Variants in ACACA observed in about 807,000 individuals in gnomAD.
ACACA encodes acetyl-CoA carboxylase alpha, also known as acetyl-CoA carboxylase 1.
Under a neutral mutation model 296.1 loss-of-function variants are expected in ACACA, and 103 were observed. The observed-to-expected ratio is 0.35, with a 90% confidence interval of 0.30 to 0.41. The LOEUF (loss-of-function observed/expected upper bound fraction) is 0.41. Among genes scored for constraint, ACACA ranks in the 10% least tolerant of loss-of-function variants. The probability of loss-of-function intolerance (pLI) is 1.00; values close to 1 mark genes in which losing one functional copy is unlikely to be tolerated. For missense variants in ACACA, 1,554 were observed against 2,989.7 expected (o/e 0.52, Z 11.20); for synonymous variants, 953 against 1,038.6 (o/e 0.92, Z 1.58).
At chr17:37,235,283 G>A (rs2145855548) in intron 24 of ACACA, among the ~76,000 whole-genome samples, 184 bp from the exon 25 acceptor site, 1 of 152,264 alleles carries the variant, frequency 6.6e-6, no homozygotes, top group East Asian at 1.9e-4. Flanking sequence ...TGGACTAGGA[G>A]TCAGGCAATT....
At chr17:37,268,401 TC>T (rs1051220403) in intron 10 of ACACA, among the ~76,000 whole-genome samples, 2 of 152,156 alleles carry the variant, frequency 1.3e-5, no homozygotes, top group Non-Finnish European at 2.9e-5. Context: ...CAAGATTTAG[TC>T]CCTGTGAGGG....
Position 37,155,791 on chromosome 17 carries a change from C to T in ACACA, c.5350-11G>A, listed in dbSNP as rs78829386. 2,074 of 1,549,016 alleles carry T rather than the reference C, an allele frequency of 1.3e-3. 26 individuals are homozygous for T. The African/African-American group carries it at 0.024, about 18-fold the overall frequency. On this transcript the variant is annotated splice_polypyrimidine_tract_variant and intron_variant, in intron 42 of 55. Coordinates refer to ENST00000616317, the MANE Select transcript of ACACA (RefSeq NM_198834.3). ...TAAATACCTGTATCCCTGTGAAGCA[C>T]AAATAGTTTTTAACTCATTATTTGC... is the stretch of plus-strand genomic sequence containing the variant.
intron 24 of ACACA, among the ~76,000 whole-genome samples, chr17:37,238,347 T>C (rs943852346): frequency 8.2e-6 from 1 of 122,016 alleles, no homozygotes; most frequent in African/African-American, 3.0e-5. Context: ...AAAAAAAAAA[T>C]CTATCCTTTC....
chr17:37,398,344 C>G (rs564767089), intron 1 of ACACA, among the ~76,000 whole-genome samples: 1 of 123,780 alleles, frequency 8.1e-6, no homozygotes, highest in East Asian at 2.8e-4. Flanking sequence ...TGGAACGCAA[C>G]GGTGCAATCT....
At chr17:37,088,811 G>T in intron 55 of ACACA, 127 bp downstream of exon 55, 1 of 1,303,744 alleles carries the variant, frequency 7.7e-7, no homozygotes. Context: ...AACTACAGCT[G>T]TCTCAAACAG....
At chr17:37,335,151 C>T (rs2048057555) in intron 2 of ACACA, among the ~76,000 whole-genome samples, 1 of 152,072 alleles carries the variant, frequency 6.6e-6, no homozygotes, top group Non-Finnish European at 1.5e-5. Flanking sequence ...CCCTCCATAC[C>T]CATACTGGCC....
chr17:37,248,170 G>T lies in ACACA; in HGVS notation c.2164-14C>A. Reference sequence around the variant, plus strand: ...CTGTCGAGTCACCTGTAGGGAATGAGAATGAGGATCAGTGTGTCCCTTCCA... The same window carrying T: ...CTGTCGAGTCACCTGTAGGGAATGATAATGAGGATCAGTGTGTCCCTTCCA... On this transcript the variant is annotated splice_polypyrimidine_tract_variant and intron_variant, in intron 17 of 55. Coordinates refer to ENST00000616317, the MANE Select transcript of ACACA (RefSeq NM_198834.3). 1 of 1,614,074 alleles carries T rather than the reference G, an allele frequency of 6.2e-7. No homozygotes were observed. Among genetic ancestry groups the T allele is most frequent in the Non-Finnish European group, 8.5e-7 (1 of 1,179,916 alleles).
intron 28 of ACACA, 33 bp from the exon 29 acceptor site, chr17:37,221,875 T>C (rs1305346865): frequency 3.8e-6 from 6 of 1,560,692 alleles, no homozygotes; most frequent in Non-Finnish European, 8.8e-7. Context: ...TAAATAAATT[T>C]CAAAAACAGA....
At chr17:37,225,734 G>A (rs1310099763) in intron 26 of ACACA, among the ~76,000 whole-genome samples, 1 of 152,182 alleles carries the variant, frequency 6.6e-6, no homozygotes, top group Non-Finnish European at 1.5e-5. Context: ...GGATACAATT[G>A]TAGAGAAAGC....
intron 3 of ACACA, chr17:37,289,445 C>T (rs866519114): frequency 7.4e-7 from 1 of 1,351,628 alleles, no homozygotes; most frequent in South Asian, 1.1e-5. Flanking sequence ...GTAAGTATGG[C>T]ACAATCAAAC....
chr17:37,162,790 G>A (rs951210911), intron 41 of ACACA: 6 of 169,278 alleles, frequency 3.5e-5, no homozygotes, highest in South Asian at 1.4e-4. Flanking sequence ...AGTCTTCAGG[G>A]AAAATTGTCT....
At chr17:37,316,871 G>A (rs2047118102) in intron 3 of ACACA, among the ~76,000 whole-genome samples, 1 of 151,820 alleles carries the variant, frequency 6.6e-6, no homozygotes, top group Non-Finnish European at 1.5e-5. Context: ...TCCAGAGTTC[G>A]AGACCAGCCT....
At chr17:37,381,915 CTG>C (rs1568082458) in intron 1 of ACACA, among the ~76,000 whole-genome samples, 48 of 152,318 alleles carry the variant, frequency 3.2e-4, no homozygotes, top group South Asian at 2.1e-3. Flanking sequence ...GCGTGAGCCA[CTG>C]CACCCGGCCA....
At chr17:37,170,933 G>A (rs1441367292) in intron 41 of ACACA, among the ~76,000 whole-genome samples, 1 of 152,204 alleles carries the variant, frequency 6.6e-6, no homozygotes, top group Non-Finnish European at 1.5e-5. Flanking sequence ...AAACATGCCA[G>A]GATTTTGTTT....
intron 37 of ACACA, among the ~76,000 whole-genome samples, chr17:37,191,524 A>C (rs1054708457): frequency 1.3e-5 from 2 of 152,200 alleles, no homozygotes; most frequent in East Asian, 3.8e-4. Context: ...AGGTAGAAAT[A>C]CTGGGCATCC....
intron 1 of ACACA, among the ~76,000 whole-genome samples, chr17:37,405,213 C>T (rs2051432823): frequency 6.6e-6 from 1 of 152,192 alleles, no homozygotes; most frequent in Non-Finnish European, 1.5e-5. Flanking sequence ...AGAGAATCCC[C>T]ATATCACTCT....
intron 1 of ACACA, among the ~76,000 whole-genome samples, chr17:37,372,377 C>T (rs2049840199): frequency 6.8e-6 from 1 of 147,088 alleles, no homozygotes; most frequent in East Asian, 2.0e-4. Flanking sequence ...CGCGCCACTG[C>T]ACTCCAGCCT....
chr17:37,268,300 G>C (rs1277640079), intron 10 of ACACA, among the ~76,000 whole-genome samples: 1 of 152,108 alleles, frequency 6.6e-6, no homozygotes, highest in African/African-American at 2.4e-5. Flanking sequence ...TCTTTCTCTG[G>C]AAAGGATTTA....
intron 52 of ACACA, among the ~76,000 whole-genome samples, chr17:37,105,212 T>C (rs2073608257): frequency 6.6e-6 from 1 of 152,224 alleles, no homozygotes; most frequent in African/African-American, 2.4e-5. Flanking sequence ...TCTTTTTCCT[T>C]TTCTGAGTTG....
Sources: gnomAD v4.1 joint callset for allele counts (sites outside exome capture counted in the v4.1 genomes callset) on GRCh38, gnomAD v4.1.1 for gene constraint, MANE v1.5 for transcripts, NCBI Gene and HGNC (gene_info 2026-07-23, HGNC 2026-07-21) for gene names.